RNF150: variants seen among roughly 807,000 people sequenced by gnomAD.
RNF150 encodes ring finger protein 150.
A neutral mutation model predicts 39.3 loss-of-function variants in RNF150; 24 were observed. That is an observed-to-expected ratio of 0.61 (90% confidence interval 0.44 to 0.86). The LOEUF (loss-of-function observed/expected upper bound fraction) is 0.86. Among genes scored for constraint, RNF150 ranks in the 40% least tolerant of loss-of-function variants. The pLI is 0.00. For missense variants in RNF150, 502 were observed against 587.8 expected, an observed-to-expected ratio of 0.85 and a Z score of 1.51; for synonymous variants, 255 against 227.3, an observed-to-expected ratio of 1.12 and a Z score of -1.10.
At chr4:141,134,236 A>G (rs1297368775), upstream of RNF150, among the ~76,000 whole-genome samples, 2 of 152,148 alleles carry the variant, frequency 1.3e-5, no homozygotes, top group Non-Finnish European at 2.9e-5. Context: ...GTGCATAGAG[A>G]TTACAGTAGT....
intron 4 of RNF150, among the ~76,000 whole-genome samples, chr4:140,937,423 T>A (rs1237330324): frequency 1.3e-5 from 2 of 152,046 alleles, no homozygotes; most frequent in Admixed American, 6.6e-5. Context: ...ACAACGCCCA[T>A]CTAATTTTTG....
intron 1 of RNF150, among the ~76,000 whole-genome samples, chr4:141,206,287 C>G (rs1243345137): frequency 6.6e-6 from 1 of 151,744 alleles, no homozygotes; most frequent in African/African-American, 2.4e-5. Flanking sequence ...GGCATGGTGG[C>G]AGGTGCCTGA....
At chr4:141,057,649 A>G (rs1456558108) in intron 1 of RNF150, among the ~76,000 whole-genome samples, 1 of 152,068 alleles carries the variant, frequency 6.6e-6, no homozygotes, top group Non-Finnish European at 1.5e-5. Context: ...ATACCCTACT[A>G]GCCTCCCAGT....
chr4:140,973,173 T>C (rs994536603), intron 1 of RNF150, among the ~76,000 whole-genome samples: 5 of 152,172 alleles, frequency 3.3e-5, no homozygotes, highest in African/African-American at 1.2e-4. Context: ...TACTTAAATA[T>C]ATACAATTTA....
chr4:140,902,766 T>C (rs530464567), intron 6 of RNF150, among the ~76,000 whole-genome samples: 3 of 152,328 alleles, frequency 2.0e-5, no homozygotes, highest in African/African-American at 7.2e-5. Flanking sequence ...CCGCTGCGTA[T>C]AGGAATCCCA....
intron 1 of RNF150, chr4:141,053,700 C>A: frequency 7.1e-7 from 1 of 1,416,764 alleles, no homozygotes; most frequent in Non-Finnish European, 9.2e-7. Flanking sequence ...GTGAAATCAG[C>A]TTCAGGGGCT....
At chr4:141,026,463 C>G (rs935838578) in intron 1 of RNF150, among the ~76,000 whole-genome samples, 14 of 152,166 alleles carry the variant, frequency 9.2e-5, no homozygotes, top group African/African-American at 3.4e-4. Flanking sequence ...GGCGACTGCA[C>G]TGGATCACAC....
intron 4 of RNF150, among the ~76,000 whole-genome samples, chr4:140,941,859 G>A (rs896301853): frequency 5.3e-5 from 8 of 152,174 alleles, no homozygotes; most frequent in Non-Finnish European, 1.0e-4. Context: ...TTTTGAGTGT[G>A]TAAATACCAA....
intron 1 of RNF150, among the ~76,000 whole-genome samples, chr4:141,197,647 G>A (rs1003508305): frequency 2.6e-5 from 4 of 152,110 alleles, no homozygotes; most frequent in African/African-American, 9.7e-5. Flanking sequence ...GGGAGGCCAA[G>A]GTGGGCAGAT....
At chr4:141,140,614 A>G (rs942255826) in intron 1 of RNF150, among the ~76,000 whole-genome samples, 1 of 152,076 alleles carries the variant, frequency 6.6e-6, no homozygotes, top group African/African-American at 2.4e-5. Flanking sequence ...TTGAAAGATC[A>G]TCTTGTCCTT....
chr4:140,993,356 C>T (rs1012198189), intron 1 of RNF150, among the ~76,000 whole-genome samples: 3 of 152,146 alleles, frequency 2.0e-5, no homozygotes, highest in South Asian at 4.1e-4. Flanking sequence ...CCCTTTTATA[C>T]GGATCCTTAT....
intron 4 of RNF150, among the ~76,000 whole-genome samples, chr4:140,942,531 C>T (rs1358811318): frequency 8.5e-5 from 13 of 152,232 alleles, no homozygotes; most frequent in Non-Finnish European, 1.6e-4. Context: ...ACTGACAACA[C>T]TGCTCCTTGG....
At chr4:140,869,958 C>G (rs1728864891) in intron 6 of RNF150, among the ~76,000 whole-genome samples, 1 of 151,848 alleles carries the variant, frequency 6.6e-6, no homozygotes, top group Non-Finnish European at 1.5e-5. Context: ...TTAAAAAAAC[C>G]AACAAAAATG....
chr4:140,974,920 TATA>T (rs1362105692), intron 1 of RNF150, among the ~76,000 whole-genome samples: 2 of 152,134 alleles, frequency 1.3e-5, no homozygotes, highest in Non-Finnish European at 2.9e-5. Context: ...TTTTCAATGA[TATA>T]ATTGGCCCTT....
At chr4:140,901,371 T>C (rs2111251139) in intron 6 of RNF150, among the ~76,000 whole-genome samples, 1 of 152,310 alleles carries the variant, frequency 6.6e-6, no homozygotes, top group East Asian at 1.9e-4. Flanking sequence ...GGGGGACCAA[T>C]TTAACACTGT....
intron 1 of RNF150, among the ~76,000 whole-genome samples, chr4:141,154,209 C>G (rs1200364690): frequency 1.3e-5 from 2 of 152,182 alleles, no homozygotes; most frequent in East Asian, 3.9e-4. Flanking sequence ...TGACATAAAG[C>G]AGAAAGACTC....
intron 1 of RNF150, among the ~76,000 whole-genome samples, chr4:141,027,917 T>TTC (rs1444285055): frequency 1.9e-5 from 1 of 53,426 alleles, no homozygotes; most frequent in African/African-American, 7.5e-5. Context: ...AATTTGTTTT[T>TTC]TTTTTTTTGT....
chr4:141,097,345 T>C (rs1374272654), intron 1 of RNF150, among the ~76,000 whole-genome samples: 1 of 152,242 alleles, frequency 6.6e-6, no homozygotes, highest in Non-Finnish European at 1.5e-5. Context: ...CTTCCAGCCA[T>C]GCATTTTGCA....
At chr4:140,965,112 A>C (rs1733186117) in intron 2 of RNF150, among the ~76,000 whole-genome samples, 1 of 152,136 alleles carries the variant, frequency 6.6e-6, no homozygotes, top group East Asian at 1.9e-4. Flanking sequence ...TAGAGGGTGA[A>C]AACATGAATG....
Sources: gnomAD v4.1 joint callset for allele counts (sites outside exome capture counted in the v4.1 genomes callset) on GRCh38, gnomAD v4.1.1 for gene constraint, MANE v1.5 for transcripts, NCBI Gene and HGNC (gene_info 2026-07-23, HGNC 2026-07-21) for gene names.